The following MBTD1 variants were observed in gnomAD, a reference collection of about 807,000 sequenced individuals.
The protein encoded by MBTD1 is mbt domain containing 1.
MBTD1 carries 24 observed loss-of-function variants against 87.8 expected under a neutral mutation model. The ratio of observed to expected loss-of-function variants is 0.27; its 90% CI spans 0.20 to 0.38. The LOEUF is 0.38. Ranked by LOEUF, MBTD1 falls within the 10% of genes least tolerant of loss-of-function variation. The probability of loss-of-function intolerance (pLI) is 1.00; values close to 1 mark genes in which losing one functional copy is unlikely to be tolerated. For synonymous variants in MBTD1, 237 were observed against 248.6 expected (o/e 0.95, Z 0.44); for missense variants, 436 against 760.2 (o/e 0.57, Z 5.02).
rs889034365 is a variant in MBTD1 at position 51,177,938 on chromosome 17, C to T, written c.*2638G>A. ...TTGATGGGAGAGGGTATTCACATCACGCAAAATTAATAATAATAATAAAAA... is the reference window on the plus strand; with the variant it reads ...TTGATGGGAGAGGGTATTCACATCATGCAAAATTAATAATAATAATAAAAA... On this transcript the variant is annotated 3_prime_UTR_variant, in exon 17 of 17. Coordinates refer to ENST00000586178, the MANE Select transcript of MBTD1 (RefSeq NM_017643.3). 6.6e-5 allele frequency: 10 copies of T among 151,006 alleles called. No individual in the cohort carries two copies. The highest frequency in any genetic ancestry group is 8.9e-5 in the Non-Finnish European group (6 of 67,390). The allele number at this position is 151,006 out of a possible 1,614,324, so 9.4% of individuals were successfully genotyped here.
chr17:51,192,194 G>C lies in MBTD1; in HGVS notation c.1768+9C>G. ...AGAAAATGTATGTGAACACCACGTG[G>C]TGACCCACTTTTCTTATGTCCTTTG... is the stretch of plus-strand genomic sequence containing the variant. On this transcript the variant is annotated intron_variant, in intron 16 of 16. Coordinates refer to ENST00000586178, the MANE Select transcript of MBTD1 (RefSeq NM_017643.3). The C allele has an allele frequency of 6.5e-7, 1 of 1,544,254 alleles. No homozygotes were observed. The highest frequency in any genetic ancestry group is 8.8e-7 in the Non-Finnish European group (1 of 1,140,754).
At chr17:51,200,720 C>T (rs4794211) in intron 12 of MBTD1, among the ~76,000 whole-genome samples, 3,524 of 151,578 alleles carry the variant, frequency 0.023, 57 homozygotes, top group Non-Finnish European at 0.032. Context: ...AAAAATTAGC[C>T]GGGCGTGGTG....
At position 51,237,363 on chromosome 17, in the gene MBTD1, T is replaced by G. The variant is rs542618242; in HGVS notation, c.-48-12154A>C. Reference sequence around the variant, plus strand: ...CTACATTTTGTCAAAATGAAGCATTTCTGCTCTTTGAAAGACAATGTTTAA... The same window carrying G: ...CTACATTTTGTCAAAATGAAGCATTGCTGCTCTTTGAAAGACAATGTTTAA... On this transcript the variant is annotated intron_variant, in intron 2 of 16. Coordinates refer to ENST00000586178, the MANE Select transcript of MBTD1 (RefSeq NM_017643.3). 1.4e-4 allele frequency among the ~76,000 whole-genome samples: 21 copies of G among 152,082 alleles called. No individual in the cohort carries two copies. The South Asian group carries it at 4.0e-3, about 29-fold the overall frequency.
At chr17:51,181,543 C>T (rs1352485005) in intron 16 of MBTD1, among the ~76,000 whole-genome samples, 1 of 152,122 alleles carries the variant, frequency 6.6e-6, no homozygotes, top group Middle Eastern at 3.2e-3. Flanking sequence ...CCTGTAGTCC[C>T]AGCTACTCAT....
rs552946972 is a variant in MBTD1 at position 51,196,728 on chromosome 17, T to C, written c.1225-1367A>G. 2.0e-5 allele frequency among the ~76,000 whole-genome samples: 3 copies of C among 151,408 alleles called. No individual in the cohort carries two copies. In the East Asian group the frequency reaches 6.1e-4, roughly 31 times the overall value. The stretch of plus-strand genomic sequence containing the variant: ...CAACATGGCGAAACCCAGTCTCTAC[T>C]AAAAATACAAAAATTAGCCAGGCAT... On this transcript the variant is annotated intron_variant, in intron 12 of 16. Coordinates refer to ENST00000586178, the MANE Select transcript of MBTD1 (RefSeq NM_017643.3).
intron 16 of MBTD1, among the ~76,000 whole-genome samples, chr17:51,181,194 T>G (rs899730125): frequency 1.3e-5 from 2 of 151,978 alleles, no homozygotes; most frequent in African/African-American, 4.8e-5. Flanking sequence ...GCCCAGCTAA[T>G]TTTTGTATTT....
intron 14 of MBTD1, 80 bp from the exon 15 acceptor site, chr17:51,193,096 A>C: frequency 4.7e-6 from 4 of 856,004 alleles, no homozygotes; most frequent in Non-Finnish European, 7.5e-6. Context: ...AAAGCAAAAA[A>C]CAGAAGCGAC....
chr17:51,197,649 G>A (rs116217259), intron 12 of MBTD1, among the ~76,000 whole-genome samples: 10,526 of 151,570 alleles, frequency 0.069, 460 homozygotes, highest in African/African-American at 0.11. Flanking sequence ...TGGGTCTATA[G>A]GTGTGCCACC....
At chr17:51,180,897 C>T (rs572484081) in intron 16 of MBTD1, among the ~76,000 whole-genome samples, 12 of 152,156 alleles carry the variant, frequency 7.9e-5, no homozygotes, top group Non-Finnish European at 1.2e-4. Flanking sequence ...ATGAAATGTT[C>T]GCAGTAATGG....
intron 2 of MBTD1, chr17:51,256,465 G>A (rs1008911178): frequency 3.3e-5 from 5 of 152,072 alleles, no homozygotes; most frequent in African/African-American, 9.7e-5. Flanking sequence ...ACTTTCTGGG[G>A]TATACATTAA....
chr17:51,245,552 G>C (rs997131826), intron 2 of MBTD1, among the ~76,000 whole-genome samples: 2 of 151,678 alleles, frequency 1.3e-5, no homozygotes, highest in African/African-American at 4.9e-5. Flanking sequence ...ATTATGTATA[G>C]CATGAAGAAC....
chr17:51,259,966 G>C lies in MBTD1; in HGVS notation c.-244C>G, dbSNP rs1018103978. 9.9e-7 allele frequency: 1 copy of C among 1,008,742 alleles called. No individual in the cohort carries two copies. Among genetic ancestry groups the C allele is most frequent in the African/African-American group, 1.7e-5 (1 of 60,030 alleles). The allele number at this position is 1,008,742 out of a possible 1,614,324, so 62.5% of individuals were successfully genotyped here. On this transcript the variant is annotated 5_prime_UTR_variant, in exon 1 of 17. Transcript: ENST00000586178. ...ACTGCGGCGACTACAGGGGGCCCCC[G>C]GCTGGGCCCAGACCGGTGGCGGGTG... is the stretch of plus-strand genomic sequence containing the variant.
intron 2 of MBTD1, among the ~76,000 whole-genome samples, chr17:51,244,293 C>G (rs919314946): frequency 1.3e-5 from 2 of 152,220 alleles, no homozygotes; most frequent in African/African-American, 4.8e-5. Flanking sequence ...CCTACCTATT[C>G]ATTATCAGTA....
At chr17:51,243,939 A>G (rs990477852) in intron 2 of MBTD1, among the ~76,000 whole-genome samples, 8 of 152,212 alleles carry the variant, frequency 5.3e-5, no homozygotes, top group African/African-American at 9.6e-5. Context: ...TATGTACCCC[A>G]TAATATTACA....
intron 2 of MBTD1, among the ~76,000 whole-genome samples, chr17:51,241,044 T>C (rs1009204907): frequency 6.6e-6 from 1 of 152,146 alleles, no homozygotes; most frequent in African/African-American, 2.4e-5. Context: ...AGTGGCGTGA[T>C]TTCGGCTCAC....
At chr17:51,216,633 T>C (rs572310471) in intron 6 of MBTD1, among the ~76,000 whole-genome samples, 3 of 152,362 alleles carry the variant, frequency 2.0e-5, no homozygotes, top group African/African-American at 7.2e-5. Context: ...CTTCCTCTTC[T>C]GAATTATCAG....
At chr17:51,215,509 C>CA (rs2052515050) in intron 6 of MBTD1, among the ~76,000 whole-genome samples, 1 of 152,028 alleles carries the variant, frequency 6.6e-6, no homozygotes, top group Non-Finnish European at 1.5e-5. Context: ...AGACAAAAGA[C>CA]AAATGTTCCA....
chr17:51,225,165 G>A lies in MBTD1; in HGVS notation c.-4C>T, dbSNP rs952644397. 5 of 1,540,194 alleles carry A rather than the reference G, an allele frequency of 3.2e-6. No homozygotes were observed. The highest frequency in any genetic ancestry group is 1.4e-5 in the African/African-American group (1 of 72,330). On this transcript the variant is annotated 5_prime_UTR_variant, in exon 3 of 17. Coordinates refer to ENST00000586178, the MANE Select transcript of MBTD1 (RefSeq NM_017643.3). ...AGCTATCATAACCGTCAAACATCCC[G>A]AAAGAATCTCTTCTTTTCCTTTCAG...
intron 2 of MBTD1, among the ~76,000 whole-genome samples, chr17:51,248,382 A>T (rs1293223071): frequency 1.3e-5 from 2 of 152,136 alleles, no homozygotes; most frequent in African/African-American, 4.8e-5. Context: ...ATGTAGTATT[A>T]TGTAGTACTT....
Sources: gnomAD v4.1 joint callset for allele counts (sites outside exome capture counted in the v4.1 genomes callset) on GRCh38, gnomAD v4.1.1 for gene constraint, MANE v1.5 for transcripts, NCBI Gene and HGNC (gene_info 2026-07-23, HGNC 2026-07-21) for gene names.